The following XKR6 variants were observed in gnomAD, a reference collection of about 807,000 sequenced individuals.
XKR6 encodes the protein XK-related protein 6.
XKR6 carries 22 observed loss-of-function variants against 56.7 expected under a neutral mutation model. The observed-to-expected ratio is 0.39, with a 90% CI of 0.28 to 0.55. XKR6 has a LOEUF of 0.55. XKR6 is among the 20% of genes least tolerant of loss of function. The pLI is 0.66. For synonymous variants in XKR6, 524 were observed against 387.8 expected (o/e 1.35, Z -4.13); for missense variants, 852 against 889.0 (o/e 0.96, Z 0.53).
At chr8:11,047,172 T>C (rs1799430777) in intron 1 of XKR6, among the ~76,000 whole-genome samples, 1 of 152,162 alleles carries the variant, frequency 6.6e-6, no homozygotes, top group African/African-American at 2.4e-5. Flanking sequence ...AAAATAACTA[T>C]GCGAGGGGAA....
chr8:11,003,592 T>C (rs180835647), intron 1 of XKR6, among the ~76,000 whole-genome samples: 1 of 152,316 alleles, frequency 6.6e-6, no homozygotes, highest in East Asian at 1.9e-4. Context: ...AATCCTCAAA[T>C]AATCCTTTTA....
intron 1 of XKR6, among the ~76,000 whole-genome samples, chr8:11,023,298 G>C (rs906387177): frequency 1.3e-5 from 2 of 152,230 alleles, no homozygotes; most frequent in African/African-American, 2.4e-5. Flanking sequence ...CCTGGAAGCA[G>C]TGAGGCACCT....
chr8:11,047,394 T>C (rs1360647269), intron 1 of XKR6, among the ~76,000 whole-genome samples: 2 of 152,262 alleles, frequency 1.3e-5, no homozygotes, highest in Non-Finnish European at 2.9e-5. Context: ...GGATACCATG[T>C]GGCTTTCATG....
chr8:11,043,423 C>T (rs914880011), intron 1 of XKR6, among the ~76,000 whole-genome samples: 3 of 152,152 alleles, frequency 2.0e-5, no homozygotes, highest in East Asian at 3.9e-4. Context: ...TTCAGGGAGC[C>T]GACCCTGACC....
chr8:11,049,644 G>A (rs4326351), intron 1 of XKR6, among the ~76,000 whole-genome samples: 57,017 of 152,090 alleles, frequency 0.37, 12,374 homozygotes, highest in East Asian at 0.79. Context: ...TGCCAAGGCT[G>A]GCTGAGGTGC....
At chr8:11,129,622 G>T (rs1800001820) in intron 1 of XKR6, among the ~76,000 whole-genome samples, 1 of 152,150 alleles carries the variant, frequency 6.6e-6, no homozygotes, top group East Asian at 1.9e-4. Flanking sequence ...TTTCTTAAAA[G>T]ATTATATACA....
chr8:11,117,191 G>C (rs1799224298), intron 1 of XKR6, among the ~76,000 whole-genome samples: 1 of 152,000 alleles, frequency 6.6e-6, no homozygotes, highest in African/African-American at 2.4e-5. Flanking sequence ...TTGCAGAAAG[G>C]GTTAACCCCC....
intron 1 of XKR6, among the ~76,000 whole-genome samples, chr8:11,089,849 A>T (rs1348666875): frequency 6.6e-6 from 1 of 152,148 alleles, no homozygotes; most frequent in East Asian, 1.9e-4. Flanking sequence ...TTTGTTAATC[A>T]ATCCCATGCA....
At chr8:11,102,412 A>T (rs149718874) in intron 1 of XKR6, among the ~76,000 whole-genome samples, 131 of 152,292 alleles carry the variant, frequency 8.6e-4, no homozygotes, top group African/African-American at 3.0e-3. Context: ...AATTTACTTA[A>T]ACATTATGTC....
At chr8:11,060,799 G>A (rs1411082647) in intron 1 of XKR6, among the ~76,000 whole-genome samples, 14 of 152,344 alleles carry the variant, frequency 9.2e-5, no homozygotes. Flanking sequence ...CTCTGTGGAT[G>A]CAGCAGAGAA....
intron 1 of XKR6, among the ~76,000 whole-genome samples, chr8:11,096,555 C>T (rs988502899): frequency 6.6e-6 from 1 of 152,222 alleles, no homozygotes; most frequent in Non-Finnish European, 1.5e-5. Flanking sequence ...CGGATCAAAG[C>T]TTTCCATGCT....
intron 2 of XKR6, among the ~76,000 whole-genome samples, chr8:10,901,286 C>A (rs1398781342): frequency 6.6e-6 from 1 of 152,080 alleles, no homozygotes; most frequent in Non-Finnish European, 1.5e-5. Flanking sequence ...GAACTCCTGA[C>A]CTCAAGTGAT....
intron 2 of XKR6, among the ~76,000 whole-genome samples, chr8:10,901,392 T>A (rs942908132): frequency 8.5e-5 from 13 of 152,164 alleles, no homozygotes; most frequent in African/African-American, 3.1e-4. Flanking sequence ...CAGGCTGATC[T>A]CGAACTCTTG....
intron 1 of XKR6, among the ~76,000 whole-genome samples, chr8:11,086,148 A>ATATATATATATATATATATATATATATT (rs71203369): frequency 1.2e-4 from 15 of 120,728 alleles, no homozygotes; most frequent in African/African-American, 5.8e-4. Flanking sequence ...ATATATATAT[A>ATATATATATATATATATATATATATATT]TTTTTTTTTA....
chr8:11,078,994 GGAA>G (rs1313913772), intron 1 of XKR6, among the ~76,000 whole-genome samples: 2 of 152,350 alleles, frequency 1.3e-5, no homozygotes, highest in East Asian at 3.9e-4. Flanking sequence ...TCCGGGGCGA[GGAA>G]GAAGGAGCAA....
At chr8:11,003,575 T>G (rs553044530) in intron 1 of XKR6, among the ~76,000 whole-genome samples, 1 of 152,212 alleles carries the variant, frequency 6.6e-6, no homozygotes, top group Non-Finnish European at 1.5e-5. Flanking sequence ...GGGAATACAT[T>G]GTCTTTAATC....
chr8:11,168,860 T>A (rs572150022), intron 1 of XKR6, among the ~76,000 whole-genome samples: 4 of 152,362 alleles, frequency 2.6e-5, no homozygotes, highest in African/African-American at 9.6e-5. Flanking sequence ...GTTCTTTGTA[T>A]AACCAGTGGG....
chr8:10,995,919 G>C (rs761042921), intron 1 of XKR6, among the ~76,000 whole-genome samples: 11 of 152,132 alleles, frequency 7.2e-5, no homozygotes, highest in Non-Finnish European at 1.2e-4. Flanking sequence ...CAGACGAATG[G>C]CTTGCAACTT....
chr8:10,979,909 C>T (rs1371311834), intron 1 of XKR6, among the ~76,000 whole-genome samples: 2 of 152,280 alleles, frequency 1.3e-5, no homozygotes, highest in African/African-American at 4.8e-5. Context: ...CTTATAAGGA[C>T]ATCTATTGTG....
Sources: gnomAD v4.1 joint callset for allele counts (sites outside exome capture counted in the v4.1 genomes callset) on GRCh38, gnomAD v4.1.1 for gene constraint, MANE v1.5 for transcripts, NCBI Gene and HGNC (gene_info 2026-07-23, HGNC 2026-07-21) for gene names.